SDCCAG8: variants seen among roughly 807,000 people sequenced by gnomAD.
SDCCAG8 encodes the protein SHH signaling and ciliogenesis regulator SDCCAG8, also known as serologically defined colon cancer antigen 8.
A neutral mutation model predicts 101.8 loss-of-function variants in SDCCAG8; 74 were observed. The ratio of observed to expected loss-of-function variants is 0.73; its 90% CI spans 0.60 to 0.88. The LOEUF is 0.88. SDCCAG8 is among the 40% of genes least tolerant of loss of function. The probability of loss-of-function intolerance (pLI) is 0.00; values close to 1 mark genes in which losing one functional copy is unlikely to be tolerated. For synonymous variants in SDCCAG8, 281 were observed against 292.9 expected (o/e 0.96, Z 0.41); for missense variants, 787 against 822.6 (o/e 0.96, Z 0.53).
At chr1:243,396,055 A>G (rs935783846) in intron 13 of SDCCAG8, among the ~76,000 whole-genome samples, 2 of 152,044 alleles carry the variant, frequency 1.3e-5, no homozygotes, top group African/African-American at 4.8e-5. Context: ...TTTTTGCCAT[A>G]TATTTTCTCC....
At position 243,488,901 on chromosome 1, in the gene SDCCAG8, G is replaced by A. The variant is rs1665685233; in HGVS notation, c.1986-113G>A. On this transcript the variant is annotated intron_variant, in intron 16 of 17. Transcript: ENST00000366541. ...AGCCTGGCACCTCAGGGTCACCCTA[G>A]GCGTCCTGCTCATGGTTCCCTATCA... The A allele has an allele frequency of 1.5e-5, 22 of 1,498,748 alleles. No homozygotes were observed. The South Asian group carries it at 2.4e-4, about 16-fold the overall frequency. 92.8% of individuals were successfully genotyped at this position (1,498,748 alleles called of 1,614,324 possible). A position where few individuals can be genotyped will look rare whatever the true frequency, so the allele number is the denominator to read the frequency against.
At chr1:243,302,869 G>T (rs754838978) in intron 6 of SDCCAG8, among the ~76,000 whole-genome samples, 1 of 152,174 alleles carries the variant, frequency 6.6e-6, no homozygotes, top group Non-Finnish European at 1.5e-5. Flanking sequence ...AGAACATCAT[G>T]AAAGTGTGAG....
chr1:243,488,785 G>T (rs924106165), intron 16 of SDCCAG8, among the ~76,000 whole-genome samples: 1 of 152,062 alleles, frequency 6.6e-6, no homozygotes, highest in Admixed American at 6.6e-5. Context: ...TTTTCTAATT[G>T]ATAGTGTACT....
chr1:243,336,556 A>T (rs988214490), intron 10 of SDCCAG8, among the ~76,000 whole-genome samples: 1 of 152,146 alleles, frequency 6.6e-6, no homozygotes, highest in African/African-American at 2.4e-5. Context: ...TTGGAGCAGG[A>T]GGAAGAGAGA....
intron 6 of SDCCAG8, among the ~76,000 whole-genome samples, chr1:243,298,091 C>T (rs2071118063): frequency 6.7e-6 from 1 of 150,182 alleles, no homozygotes; most frequent in African/African-American, 2.5e-5. Context: ...CTCTGTCACC[C>T]AGGCTGGAGT....
At chr1:243,325,248 TGA>T (rs1368249816) in intron 9 of SDCCAG8, among the ~76,000 whole-genome samples, 1 of 152,210 alleles carries the variant, frequency 6.6e-6, no homozygotes, top group Non-Finnish European at 1.5e-5. Context: ...ATTTAATAAC[TGA>T]GAGCAAGCAA....
chr1:243,440,692 C>T lies in SDCCAG8; in HGVS notation c.1985+14134C>T, dbSNP rs576238395. 2.6e-5 allele frequency among the ~76,000 whole-genome samples: 4 copies of T among 152,284 alleles called. No homozygotes were observed. The South Asian group carries it at 8.3e-4, about 32-fold the overall frequency. ...ATGAATTAACTGCTTTGTGGGATAC[C>T]ATGGCTTTTTGACATTTCTTTGGTA... On this transcript the variant is annotated intron_variant, in intron 16 of 17. Transcript: ENST00000366541.
intron 16 of SDCCAG8, among the ~76,000 whole-genome samples, chr1:243,483,740 C>T (rs531639714): frequency 6.6e-6 from 1 of 152,312 alleles, no homozygotes; most frequent in African/African-American, 2.4e-5. Flanking sequence ...CCTGGACCTC[C>T]GTCTCCCAGT....
At chr1:243,489,347 T>C (rs1285188676) in intron 17 of SDCCAG8, among the ~76,000 whole-genome samples, 1 of 152,150 alleles carries the variant, frequency 6.6e-6, no homozygotes, top group Non-Finnish European at 1.5e-5. Flanking sequence ...TTAAAGTCCG[T>C]GCAGGTGAAC....
At chr1:243,450,808 G>A (rs1298308416) in intron 16 of SDCCAG8, among the ~76,000 whole-genome samples, 8 of 152,054 alleles carry the variant, frequency 5.3e-5, no homozygotes, top group Admixed American at 1.3e-4. Context: ...ATAGGTGTGC[G>A]CCACCACGCC....
In SDCCAG8 at chr1:243,258,632, T is replaced by C. The variant is rs145618560; in HGVS notation, c.67+2392T>C. ...GTTGGTCAGGCTGCTCTAGAACTCC[T>C]GACCTTAAGTGATCCGCCCACTTCA... is the stretch of plus-strand genomic sequence containing the variant. On this transcript the variant is annotated intron_variant, in intron 1 of 17. Coordinates refer to ENST00000366541, the MANE Select transcript of SDCCAG8 (RefSeq NM_006642.5). 6.1e-3 allele frequency among the ~76,000 whole-genome samples: 935 copies of C among 152,310 alleles called. 12 individuals carry two copies. Among genetic ancestry groups the C allele is most frequent in the African/African-American group, 0.021 (893 of 41,566 alleles).
intron 12 of SDCCAG8, among the ~76,000 whole-genome samples, chr1:243,370,626 T>C (rs2077235166): frequency 6.6e-6 from 1 of 152,068 alleles, no homozygotes; most frequent in African/African-American, 2.4e-5. Flanking sequence ...TGTCTGAAAT[T>C]CTTCTCTTCT....
At chr1:243,382,580 C>T (rs552398580) in intron 13 of SDCCAG8, among the ~76,000 whole-genome samples, 85 of 152,098 alleles carry the variant, frequency 5.6e-4, no homozygotes, top group African/African-American at 2.0e-3. Flanking sequence ...ACTATCTGTC[C>T]CTTTACAGAA....
At chr1:243,308,209 G>A (rs779573478) in intron 8 of SDCCAG8, 32 bp downstream of exon 8, 5 of 1,611,094 alleles carry the variant, frequency 3.1e-6, no homozygotes, top group Non-Finnish European at 3.4e-6. Flanking sequence ...CGGAGACTTT[G>A]GCAATATGGA....
intron 10 of SDCCAG8, among the ~76,000 whole-genome samples, chr1:243,332,758 T>C (rs543056169): frequency 1.3e-5 from 2 of 150,296 alleles, no homozygotes; most frequent in South Asian, 2.1e-4. Context: ...GTGATTATTG[T>C]GGTCCGGGTC....
intron 16 of SDCCAG8, among the ~76,000 whole-genome samples, chr1:243,444,908 A>G (rs2082793559): frequency 6.6e-6 from 1 of 152,192 alleles, no homozygotes; most frequent in African/African-American, 2.4e-5. Context: ...ATGGACATTT[A>G]AGATATAACA....
intron 3 of SDCCAG8, among the ~76,000 whole-genome samples, chr1:243,273,553 A>G (rs1229627222): frequency 6.6e-6 from 1 of 152,204 alleles, no homozygotes; most frequent in Non-Finnish European, 1.5e-5. Flanking sequence ...TGGAGGTTCT[A>G]TGCTCCAGAA....
intron 1 of SDCCAG8, among the ~76,000 whole-genome samples, chr1:243,260,200 C>T (rs1047484648): frequency 3.3e-5 from 5 of 152,158 alleles, no homozygotes; most frequent in African/African-American, 1.2e-4. Context: ...TTGTATTATT[C>T]CTACATAGTA....
chr1:243,336,043 A>C (rs1362589129), intron 10 of SDCCAG8, among the ~76,000 whole-genome samples: 2 of 152,084 alleles, frequency 1.3e-5, no homozygotes, highest in African/African-American at 4.8e-5. Flanking sequence ...TCCATTCTTG[A>C]TGGGCACCTA....
Sources: gnomAD v4.1 joint callset for allele counts (sites outside exome capture counted in the v4.1 genomes callset) on GRCh38, gnomAD v4.1.1 for gene constraint, MANE v1.5 for transcripts, NCBI Gene and HGNC (gene_info 2026-07-23, HGNC 2026-07-21) for gene names.